CALN1: variants seen among roughly 807,000 people sequenced by gnomAD.
CALN1 encodes calcium-binding protein 8.
Under a neutral mutation model 30.6 loss-of-function variants are expected in CALN1, and 17 were observed. The ratio of observed to expected loss-of-function variants is 0.56; its 90% CI spans 0.38 to 0.83. The LOEUF (loss-of-function observed/expected upper bound fraction) is 0.83, where lower values mean the gene tolerates loss of function less well. Among genes scored for constraint, CALN1 ranks in the 40% least tolerant of loss-of-function variants. The probability of loss-of-function intolerance (pLI) is 0.00; values close to 1 mark genes in which losing one functional copy is unlikely to be tolerated. For synonymous variants in CALN1, 156 were observed against 131.4 expected (o/e 1.19, Z -1.28); for missense variants, 291 against 354.9 (o/e 0.82, Z 1.45).
At chr7:72,109,498 A>G (rs533839793) in intron 3 of CALN1, among the ~76,000 whole-genome samples, 1 of 152,282 alleles carries the variant, frequency 6.6e-6, no homozygotes, top group South Asian at 2.1e-4. Flanking sequence ...CTTTCCATCA[A>G]TGGTATAGAA....
intron 2 of CALN1, among the ~76,000 whole-genome samples, chr7:72,357,356 G>A (rs545880791): frequency 2.0e-5 from 3 of 151,956 alleles, no homozygotes; most frequent in Non-Finnish European, 4.4e-5. Flanking sequence ...CAGCTCCAGC[G>A]GAGAGGCCTC....
chr7:72,415,554 G>C (rs1000342970), upstream of CALN1, among the ~76,000 whole-genome samples: 1 of 152,340 alleles, frequency 6.6e-6, no homozygotes, highest in East Asian at 1.9e-4. Context: ...CAACTTCTAA[G>C]TTTCAAAACA....
intron 3 of CALN1, among the ~76,000 whole-genome samples, chr7:72,159,900 C>G (rs1019475172): frequency 7.2e-5 from 11 of 152,224 alleles, no homozygotes; most frequent in African/African-American, 9.6e-5. Flanking sequence ...AAACAGATAT[C>G]TCTGAAGTCT....
chr7:72,449,743 C>G (rs536500762), upstream of CALN1, among the ~76,000 whole-genome samples: 190 of 151,806 alleles, frequency 1.3e-3, no homozygotes, highest in African/African-American at 4.3e-3. Flanking sequence ...GGCATGGTGG[C>G]GGGCGCCTGT....
At chr7:72,263,053 T>C (rs554485659) in intron 3 of CALN1, among the ~76,000 whole-genome samples, 84 of 152,300 alleles carry the variant, frequency 5.5e-4, no homozygotes, top group Non-Finnish European at 8.5e-4. Flanking sequence ...TGTCCAGTGT[T>C]TTGCTTCTCC....
intron 3 of CALN1, among the ~76,000 whole-genome samples, chr7:72,261,426 GC>G (rs1234321301): frequency 1.0e-5 from 1 of 96,056 alleles, no homozygotes; most frequent in Non-Finnish European, 2.1e-5. Context: ...TATTTCAGAA[GC>G]TTTTTTTTTT....
At chr7:72,067,250 C>T (rs1196151394) in intron 4 of CALN1, among the ~76,000 whole-genome samples, 1 of 151,958 alleles carries the variant, frequency 6.6e-6, no homozygotes, top group Admixed American at 6.6e-5. Context: ...TTTCTCCATA[C>T]CTTTTCTTAG....
At position 72,007,087 on chromosome 7, in the gene CALN1, A is replaced by C. The variant is rs140570487; in HGVS notation, c.501+16570T>G. Reference sequence around the variant, plus strand: ...TGTCAATTCACCCTTTCTTAATGGCAACCAAATCCCCAATTTTTAAAATTC... The same window carrying C: ...TGTCAATTCACCCTTTCTTAATGGCCACCAAATCCCCAATTTTTAAAATTC... On this transcript the variant is annotated intron_variant, in intron 5 of 6. Transcript: ENST00000395275. Among the ~76,000 whole-genome samples, 37 of 152,300 alleles carry C rather than the reference A, an allele frequency of 2.4e-4. No homozygotes were observed. The East Asian group carries it at 6.6e-3, about 27-fold the overall frequency.
At chr7:72,062,525 A>G (rs1232277426) in intron 4 of CALN1, among the ~76,000 whole-genome samples, 3 of 148,132 alleles carry the variant, frequency 2.0e-5, no homozygotes, top group Non-Finnish European at 4.4e-5. Flanking sequence ...AAAAAAAAAA[A>G]AAAAAGAAAA....
intron 2 of CALN1, among the ~76,000 whole-genome samples, chr7:72,351,829 T>C (rs548395524): frequency 4.6e-5 from 7 of 152,330 alleles, no homozygotes; most frequent in Non-Finnish European, 7.3e-5. Context: ...CCTAAATATA[T>C]TGTGAATTGC....
intron 3 of CALN1, among the ~76,000 whole-genome samples, chr7:72,149,329 G>T (rs922004379): frequency 1.3e-5 from 2 of 151,952 alleles, no homozygotes; most frequent in Non-Finnish European, 2.9e-5. Flanking sequence ...TTAGCTGGGC[G>T]TGGTGGCAGT....
At chr7:72,401,209 C>A (rs61553902) in intron 2 of CALN1, among the ~76,000 whole-genome samples, 13,665 of 152,146 alleles carry the variant, frequency 0.09, 995 homozygotes, top group East Asian at 0.34. Context: ...GGTTCCCAAC[C>A]AAAGAACTGA....
chr7:72,324,082 C>G (rs1801094757), intron 2 of CALN1, among the ~76,000 whole-genome samples: 1 of 152,014 alleles, frequency 6.6e-6, no homozygotes, highest in Non-Finnish European at 1.5e-5. Flanking sequence ...CTGGTTGGCA[C>G]ATCCCTTGGA....
chr7:71,859,685 T>C (rs976951397), intron 5 of CALN1, among the ~76,000 whole-genome samples: 1 of 152,234 alleles, frequency 6.6e-6, no homozygotes, highest in African/African-American at 2.4e-5. Context: ...TTGCCCTTCC[T>C]GGCAATGTGG....
intron 5 of CALN1, among the ~76,000 whole-genome samples, chr7:71,915,514 G>A (rs1437348544): frequency 4.6e-5 from 7 of 152,040 alleles, no homozygotes; most frequent in East Asian, 3.9e-4. Context: ...CAGGCAGATC[G>A]CAAAGTCAAG....
At chr7:71,812,932 T>TCATC (rs1562802121) in intron 5 of CALN1, among the ~76,000 whole-genome samples, 1 of 27,952 alleles carries the variant, frequency 3.6e-5, no homozygotes. Flanking sequence ...TCATCATCAT[T>TCATC]ATTATTATTA....
intron 4 of CALN1, among the ~76,000 whole-genome samples, chr7:72,040,492 A>T (rs1264600568): frequency 1.3e-5 from 2 of 152,198 alleles, no homozygotes; most frequent in South Asian, 2.1e-4. Context: ...CTCAAAAAAT[A>T]AATTAATTAA....
intron 2 of CALN1, among the ~76,000 whole-genome samples, chr7:72,334,131 A>G (rs1303679829): frequency 6.6e-6 from 1 of 152,182 alleles, no homozygotes; most frequent in Non-Finnish European, 1.5e-5. Context: ...ACATGAGCTC[A>G]AAGGTGTGAA....
At chr7:72,415,455 A>G (rs1807392963), upstream of CALN1, among the ~76,000 whole-genome samples, 1 of 152,264 alleles carries the variant, frequency 6.6e-6, no homozygotes, top group Admixed American at 6.5e-5. Context: ...ATGAGTGAGT[A>G]TGGCCCGGCA....
Sources: gnomAD v4.1 joint callset for allele counts (sites outside exome capture counted in the v4.1 genomes callset) on GRCh38, gnomAD v4.1.1 for gene constraint, MANE v1.5 for transcripts, NCBI Gene and HGNC (gene_info 2026-07-23, HGNC 2026-07-21) for gene names.